The following DGKD variants were observed in gnomAD, a reference collection of about 807,000 sequenced individuals.
The protein encoded by DGKD is diacylglycerol kinase delta, also known as DAG kinase delta.
Under a neutral mutation model 154.4 loss-of-function variants are expected in DGKD, and 68 were observed. That is an observed-to-expected ratio of 0.44 (90% CI 0.36 to 0.54). The LOEUF (loss-of-function observed/expected upper bound fraction) is 0.54, where lower values mean the gene tolerates loss of function less well. Among genes scored for constraint, DGKD ranks in the 20% least tolerant of loss-of-function variants. The pLI is 0.00. For missense variants in DGKD, 1,343 were observed against 1,593.6 expected (o/e 0.84, Z 2.68); for synonymous variants, 693 against 638.0 (o/e 1.09, Z -1.30).
In DGKD at chr2:233,458,462, C is replaced by T. The variant is rs545394894; in HGVS notation, c.2694+65C>T. On this transcript the variant is annotated intron_variant, in intron 22 of 29. Transcript: ENST00000264057. The surrounding 1 kb of genome is among the most constrained non-coding windows in gnomAD (Gnocchi z 6.6). ...GCCCGGAGTGTGCTAAATTCTGGGG[C>T]AGTGCATGGAGCCTGGGAGGGTGGG... 11 of 1,311,900 alleles carry T rather than the reference C, an allele frequency of 8.4e-6. No individual in the cohort carries two copies. The highest frequency in any genetic ancestry group is 9.6e-6 in the Non-Finnish European group (9 of 932,658). 81.3% of individuals were successfully genotyped at this position (1,311,900 alleles called of 1,614,324 possible).
rs1477069385 is a variant in DGKD, at chr2:233,440,754, T to C, written c.1086-1133T>C. 6.6e-6 allele frequency among the ~76,000 whole-genome samples: 1 copy of C among 152,160 alleles called. No homozygotes were observed. Among genetic ancestry groups the C allele is most frequent in the Non-Finnish European group, 1.5e-5 (1 of 68,026 alleles). On this transcript the variant is annotated intron_variant, in intron 9 of 29. Coordinates refer to ENST00000264057, the MANE Select transcript of DGKD (RefSeq NM_152879.3). The surrounding 1 kb of genome is among the most constrained non-coding windows in gnomAD (Gnocchi z 4.9). The stretch of plus-strand genomic sequence containing the variant: ...TTCCTGCAAATGAGGGGCAGCCTCA[T>C]AAAGCAAGGCCCGTGGCCAGGCTCG...
chr2:233,362,948 C>T (rs145201232), intron 1 of DGKD, among the ~76,000 whole-genome samples: 9 of 152,252 alleles, frequency 5.9e-5, no homozygotes, highest in Admixed American at 3.3e-4. Context: ...GTAAACAGAC[C>T]TACTGCACTG....
At chr2:233,451,146 T>G (rs2063275953) in intron 17 of DGKD, 96 bp downstream of exon 17, 2 of 1,303,610 alleles carry the variant, frequency 1.5e-6, no homozygotes, top group Admixed American at 4.7e-5. Flanking sequence ...TCGGAGAGTT[T>G]ACAGGCCCCT....
chr2:233,469,661 C>G lies in DGKD; in HGVS notation c.*201C>G. On this transcript the variant is annotated 3_prime_UTR_variant, in exon 30 of 30. Transcript: ENST00000264057. ...TCCACCAGAGCTCTGGGGTCTCGAA[C>G]ATAACAACACAGCTACCTTTGAAAC... The G allele has an allele frequency of 1.7e-6, 1 of 581,006 alleles. No individual in the cohort carries two copies. The highest frequency in any genetic ancestry group is 2.8e-5 in the East Asian group (1 of 35,260). 36.0% of individuals were successfully genotyped at this position (581,006 alleles called of 1,614,324 possible). A position where few individuals can be genotyped will look rare whatever the true frequency, so the allele number is the denominator to read the frequency against.
At position 233,458,374 on chromosome 2, in the gene DGKD, C is replaced by G; in HGVS notation, c.2671C>G (p.Leu891Val). 6.2e-7 allele frequency: 1 copy of G among 1,610,622 alleles called. No individual in the cohort carries two copies. The highest frequency in any genetic ancestry group is 8.5e-7 in the Non-Finnish European group (1 of 1,179,594). ...GATGGCCGTCTCTCGAGTCATCAGG[C>G]TACAGCATCATCGGATCGCCCAGGT... is the stretch of plus-strand genomic sequence containing the variant. Reference protein sequence around the residue: ...MQMAVSRVIRLQHHRIAQCRT... With the variant: ...MQMAVSRVIRVQHHRIAQCRT... Residue 891 changes from leucine to valine, a missense_variant, in exon 22 of 30, where the codon CTA (leucine) becomes GTA (valine). Physicochemically the swap from Leu to Val is conservative, Grantham distance 32. This residue lies in a region of DGKD where 429 missense variants were observed against 496.3 expected (regional missense o/e 0.86). Transcript: ENST00000264057. The surrounding 1 kb of genome is among the most constrained non-coding windows in gnomAD (Gnocchi z 6.6).
intron 5 of DGKD, 96 bp from the exon 6 acceptor site, chr2:233,435,722 C>T: frequency 8.4e-7 from 1 of 1,189,302 alleles, no homozygotes; most frequent in Non-Finnish European, 1.2e-6. Flanking sequence ...CCTTCCTTGA[C>T]TTTTCTGGAG....
rs3214826 is a variant in DGKD at position 233,438,445 on chromosome 2, T to TA, written c.1085+77dup. The TA allele has an allele frequency of 0.016, 19,390 of 1,229,230 alleles. No homozygotes were observed. The highest frequency in any genetic ancestry group is 0.018 in the East Asian group (592 of 33,822). 76.1% of individuals were successfully genotyped at this position (1,229,230 alleles called of 1,614,324 possible). On this transcript the variant is annotated intron_variant, in intron 9 of 29. Transcript: ENST00000264057. The surrounding 1 kb of genome is among the most constrained non-coding windows in gnomAD (Gnocchi z 4.1). ...AATTGTGTAGATAGTGTGTGCTTGT[T>TA]AAAAAAAAAAAGTTCAAAGACACAA...
At chr2:233,358,400 T>C (rs1458648774) in intron 1 of DGKD, among the ~76,000 whole-genome samples, 2 of 152,214 alleles carry the variant, frequency 1.3e-5, no homozygotes, top group East Asian at 3.8e-4. Context: ...AAATGAAGAC[T>C]AGTAAAAATT....
At chr2:233,363,473 A>G (rs916754145) in intron 1 of DGKD, among the ~76,000 whole-genome samples, 1 of 152,248 alleles carries the variant, frequency 6.6e-6, no homozygotes, top group Non-Finnish European at 1.5e-5. Context: ...AAAGTTTATA[A>G]AGTAAAAATA....
intron 18 of DGKD, chr2:233,454,544 T>TC (rs2063394422): frequency 1.8e-6 from 1 of 542,272 alleles, no homozygotes; most frequent in South Asian, 1.8e-5. Flanking sequence ...AAATCGATTA[T>TC]CTAGTGATGG....
At position 233,388,366 on chromosome 2, in the gene DGKD, A is replaced by C; in HGVS notation, c.266A>C (p.Lys89Thr). The C allele has an allele frequency of 6.2e-7, 1 of 1,612,144 alleles. No individual in the cohort carries two copies. The highest frequency in any genetic ancestry group is 2.2e-5 in the East Asian group (1 of 44,884). ...GRTLYYAKTA[K>T]SIIFDEVDLT... Reference sequence around the variant, plus strand: ...ACGCTTTACTATGCCAAAACGGCAAAGGTGAGGCCCCATGCAGGAAAGCAC... The same window carrying C: ...ACGCTTTACTATGCCAAAACGGCAACGGTGAGGCCCCATGCAGGAAAGCAC... The change falls in exon 2 of 30, where the codon AAG becomes ACG. Residue 89 changes from lysine to threonine, a missense_variant and splice_region_variant. By Grantham distance (78) the Lys-to-Thr change is moderately conservative. Around this residue, in one of 6 missense-constraint regions of DGKD, gnomAD observed 332 missense variants for 400.1 expected, o/e 0.83. Coordinates refer to ENST00000264057, the MANE Select transcript of DGKD (RefSeq NM_152879.3).
Position 233,454,871 on chromosome 2 carries a change from C to T in DGKD, c.2373C>T (p.Cys791=), listed in dbSNP as rs61757576. The T allele has an allele frequency of 1.3e-4, 216 of 1,605,410 alleles. No homozygotes were observed. The highest frequency in any genetic ancestry group is 1.8e-4 in the Non-Finnish European group (208 of 1,172,308). Residue 791 remains cysteine (C), a splice_region_variant and synonymous_variant, in exon 19 of 30, where the codon TGC becomes TGT. Transcript: ENST00000264057. ...NNKRDEHPEK[C]RSRTKNMMWY... Reference sequence around the variant, plus strand: ...AGCGCGATGAGCACCCAGAGAAGTGCAGGTAGGTAACAGGCTCAGGAGCAC... The same window carrying T: ...AGCGCGATGAGCACCCAGAGAAGTGTAGGTAGGTAACAGGCTCAGGAGCAC...
intron 3 of DGKD, among the ~76,000 whole-genome samples, chr2:233,413,004 T>G (rs1162835514): frequency 6.6e-6 from 1 of 152,264 alleles, no homozygotes; most frequent in East Asian, 1.9e-4. Context: ...TAAGGATTGT[T>G]GCACCAATAT....
At position 233,419,284 on chromosome 2, in the gene DGKD, C is replaced by G. The variant is rs182279722; in HGVS notation, c.349-15096C>G. 6.1e-6 allele frequency: 6 copies of G among 985,476 alleles called. No homozygotes were observed. In the African/African-American group the frequency reaches 8.7e-5, roughly 14 times the overall value. The allele number at this position is 985,476 out of a possible 1,614,324, so 61.0% of individuals were successfully genotyped here. A position where few individuals can be genotyped will look rare whatever the true frequency, so the allele number is the denominator to read the frequency against. On this transcript the variant is annotated intron_variant, in intron 3 of 29. Transcript: ENST00000264057. ...GATTGCACGGTACTGATTTGCTGCT[C>G]CAGCGTTCCTGCTCTACTTCGTAAT...
At chr2:233,414,602 A>G (rs1243562733) in intron 3 of DGKD, among the ~76,000 whole-genome samples, 1 of 152,200 alleles carries the variant, frequency 6.6e-6, no homozygotes, top group Non-Finnish European at 1.5e-5. Context: ...GACACTTGGA[A>G]GAGAAATGTC....
At chr2:233,448,238 G>GC in intron 13 of DGKD, 38 bp from the exon 14 acceptor site, 1 of 1,614,086 alleles carries the variant, frequency 6.2e-7, no homozygotes, top group South Asian at 1.1e-5. Flanking sequence ...GCCTGGAGCT[G>GC]CCTCTCTAGA....
chr2:233,403,670 C>T (rs1430852242), intron 3 of DGKD, among the ~76,000 whole-genome samples: 2 of 150,594 alleles, frequency 1.3e-5, no homozygotes, highest in African/African-American at 2.4e-5. Flanking sequence ...GATGGAGTCT[C>T]GCTCTGTTGC....
chr2:233,455,223 T>C (rs2063420277), intron 19 of DGKD, among the ~76,000 whole-genome samples: 1 of 152,230 alleles, frequency 6.6e-6, no homozygotes, highest in African/African-American at 2.4e-5. Context: ...CCAGCATTGT[T>C]TGTGGGAGGG....
intron 28 of DGKD, 123 bp from the exon 29 acceptor site, chr2:233,468,300 G>T (rs2063893650): frequency 1.6e-6 from 2 of 1,229,776 alleles, no homozygotes; most frequent in East Asian, 4.9e-5. Flanking sequence ...GCTGTCTCGG[G>T]TGCTGGCTGT....
Sources: allele counts gnomAD v4.1 joint callset (sites outside exome capture counted in the v4.1 genomes callset), GRCh38; gene constraint gnomAD v4.1.1; regional missense constraint gnomAD v4.1.1; non-coding constraint Gnocchi (gnomAD v3.1); transcripts MANE v1.5; gene names NCBI Gene and HGNC (gene_info 2026-07-23, HGNC 2026-07-21).